Variants in ENPP6 observed in about 807,000 individuals in gnomAD.
ENPP6 encodes glycerophosphocholine cholinephosphodiesterase ENPP6.
A neutral mutation model predicts 42.0 loss-of-function variants in ENPP6; 32 were observed. The observed-to-expected ratio is 0.76, with a 90% confidence interval of 0.58 to 1.02. The LOEUF (loss-of-function observed/expected upper bound fraction) is 1.02, where lower values mean the gene tolerates loss of function less well. Ranked by LOEUF, ENPP6 falls within the 50% of genes least tolerant of loss-of-function variation. The pLI is 0.00. For missense variants in ENPP6, 552 were observed against 566.8 expected, an observed-to-expected ratio of 0.97 and a Z score of 0.27; for synonymous variants, 213 against 216.0, an observed-to-expected ratio of 0.99 and a Z score of 0.12.
intron 1 of ENPP6, among the ~76,000 whole-genome samples, chr4:184,190,343 T>A (rs1732696910): frequency 6.6e-6 from 1 of 152,244 alleles, no homozygotes; most frequent in Non-Finnish European, 1.5e-5. Context: ...CTTCCATTTC[T>A]GCTTTGTGCT....
intron 3 of ENPP6, among the ~76,000 whole-genome samples, chr4:184,119,064 C>A (rs1736372116): frequency 6.6e-6 from 1 of 152,158 alleles, no homozygotes; most frequent in Non-Finnish European, 1.5e-5. Context: ...AGTATGATTG[C>A]CTGTCTTCTC....
At chr4:184,109,192 C>T (rs920716337) in intron 6 of ENPP6, among the ~76,000 whole-genome samples, 4 of 151,704 alleles carry the variant, frequency 2.6e-5, no homozygotes, top group Admixed American at 6.6e-5. Context: ...GCCTGGGTGA[C>T]AGAGGGAGAC....
chr4:184,122,528 G>A (rs1375350847), intron 3 of ENPP6, among the ~76,000 whole-genome samples: 6 of 151,414 alleles, frequency 4.0e-5, no homozygotes, highest in East Asian at 2.0e-4. Context: ...CTTATTCCCC[G>A]CTGCATGCTG....
chr4:184,142,815 C>A (rs961183500), intron 2 of ENPP6, among the ~76,000 whole-genome samples: 1 of 152,200 alleles, frequency 6.6e-6, no homozygotes. Context: ...GGCCAAAGGC[C>A]GCGCTTTCAT....
intron 5 of ENPP6, among the ~76,000 whole-genome samples, chr4:184,116,066 CA>C (rs1167151304): frequency 6.6e-6 from 1 of 151,222 alleles, no homozygotes; most frequent in East Asian, 2.0e-4. Flanking sequence ...AAAAAAAATA[CA>C]AAAAAATTAG....
intron 1 of ENPP6, among the ~76,000 whole-genome samples, chr4:184,197,999 G>A (rs920279323): frequency 6.6e-6 from 1 of 152,190 alleles, no homozygotes; most frequent in African/African-American, 2.4e-5. Context: ...GGCCTTAAGG[G>A]CGAGAGAGGC....
chr4:184,155,680 T>A (rs1737147548), intron 1 of ENPP6, among the ~76,000 whole-genome samples: 1 of 152,174 alleles, frequency 6.6e-6, no homozygotes, highest in African/African-American at 2.4e-5. Context: ...TGGACCATTT[T>A]AGAACAAGGC....
chr4:184,217,530 C>T (rs770058476), intron 1 of ENPP6, 49 bp downstream of exon 1: 2 of 1,606,444 alleles, frequency 1.2e-6, no homozygotes, highest in Admixed American at 3.3e-5. Context: ...CTGTTCCCTG[C>T]TGGATGCCAG....
intron 6 of ENPP6, among the ~76,000 whole-genome samples, chr4:184,104,238 A>T (rs996167749): frequency 6.6e-6 from 1 of 152,108 alleles, no homozygotes; most frequent in African/African-American, 2.4e-5. Flanking sequence ...TGATTTCCCC[A>T]GATATTTTGA....
chr4:184,205,625 T>C (rs1732983648), intron 1 of ENPP6, among the ~76,000 whole-genome samples: 1 of 152,186 alleles, frequency 6.6e-6, no homozygotes, highest in African/African-American at 2.4e-5. Flanking sequence ...CAGGACTGCT[T>C]TCCCAGGGCT....
chr4:184,194,276 A>T (rs554078366), intron 1 of ENPP6, among the ~76,000 whole-genome samples: 1 of 152,202 alleles, frequency 6.6e-6, no homozygotes, highest in African/African-American at 2.4e-5. Flanking sequence ...TTCACTGCAC[A>T]TTAATTAGCA....
At chr4:184,104,111 C>A (rs919552880) in intron 6 of ENPP6, among the ~76,000 whole-genome samples, 10 of 151,986 alleles carry the variant, frequency 6.6e-5, no homozygotes. Context: ...GCCCTGGTCA[C>A]CATCAGAACG....
At chr4:184,149,801 A>G (rs564340648) in intron 2 of ENPP6, among the ~76,000 whole-genome samples, 1 of 152,198 alleles carries the variant, frequency 6.6e-6, no homozygotes, top group African/African-American at 2.4e-5. Context: ...TGCTGCCAGC[A>G]TGTAAGGTGG....
At position 184,119,018 on chromosome 4, in the gene ENPP6, A is replaced by G. The variant is rs542268251; in HGVS notation, c.534-1118T>C. On this transcript the variant is annotated intron_variant, in intron 3 of 7. Transcript: ENST00000296741. The stretch of plus-strand genomic sequence containing the variant: ...TTTCTTACTAAAGTGGCTGACTGTT[A>G]AGAAAAATGATCCAAAACTTAGAAA... Among the ~76,000 whole-genome samples, 158 of 152,338 alleles carry G rather than the reference A, an allele frequency of 1.0e-3. 2 individuals carry two copies. Among genetic ancestry groups the G allele is most frequent in the Admixed American group, 0.01 (158 of 15,306 alleles).
intron 7 of ENPP6, among the ~76,000 whole-genome samples, chr4:184,093,106 G>C (rs1361370509): frequency 6.6e-6 from 1 of 152,180 alleles, no homozygotes; most frequent in Non-Finnish European, 1.5e-5. Flanking sequence ...TCTACCGCCA[G>C]CCTGCACCCA....
intron 5 of ENPP6, 88 bp downstream of exon 5, chr4:184,116,768 A>C: frequency 6.6e-7 from 1 of 1,523,368 alleles, no homozygotes; most frequent in Non-Finnish European, 8.8e-7. Context: ...ACAAAACAAA[A>C]CAAAAAAACT....
intron 5 of ENPP6, among the ~76,000 whole-genome samples, chr4:184,116,253 G>A (rs1247207775): frequency 6.6e-6 from 1 of 152,006 alleles, no homozygotes; most frequent in African/African-American, 2.4e-5. Context: ...GCCCTGGTGA[G>A]GGCCTGTATG....
intron 2 of ENPP6, among the ~76,000 whole-genome samples, chr4:184,145,614 A>G (rs1736905801): frequency 6.6e-6 from 1 of 152,234 alleles, no homozygotes; most frequent in Non-Finnish European, 1.5e-5. Flanking sequence ...CCCCATGTAC[A>G]CAGGCCACAC....
At chr4:184,114,149 A>G (rs1406403209) in intron 5 of ENPP6, among the ~76,000 whole-genome samples, 2 of 152,058 alleles carry the variant, frequency 1.3e-5, no homozygotes, top group South Asian at 2.1e-4. Context: ...TATTTTTAGT[A>G]AAGACGGGTT....
Sources: allele counts gnomAD v4.1 joint callset (sites outside exome capture counted in the v4.1 genomes callset), GRCh38; gene constraint gnomAD v4.1.1; transcripts MANE v1.5; gene names NCBI Gene and HGNC (gene_info 2026-07-23, HGNC 2026-07-21).